Variants in CAMKMT observed in about 807,000 individuals in gnomAD.
CAMKMT encodes the protein calmodulin-lysine N-methyltransferase.
A neutral mutation model predicts 48.0 loss-of-function variants in CAMKMT; 53 were observed. That is an observed-to-expected ratio of 1.10 (90% CI 0.89 to 1.39). The LOEUF (loss-of-function observed/expected upper bound fraction) is 1.39, where lower values mean the gene tolerates loss of function less well. CAMKMT is among the 40% of genes most tolerant of loss of function. The probability of loss-of-function intolerance (pLI) is 0.00; values close to 1 mark genes in which losing one functional copy is unlikely to be tolerated. For synonymous variants in CAMKMT, 165 were observed against 152.3 expected, an observed-to-expected ratio of 1.08 and a Z score of -0.61; for missense variants, 428 against 402.7, an observed-to-expected ratio of 1.06 and a Z score of -0.54.
chr2:44,738,153 C>T (rs1359865903), intron 7 of CAMKMT, among the ~76,000 whole-genome samples: 1 of 152,094 alleles, frequency 6.6e-6, no homozygotes, highest in Admixed American at 6.6e-5. Flanking sequence ...CATGCCTGGC[C>T]CCATCTTCTT....
At chr2:44,523,684 A>G (rs1050139447) in intron 3 of CAMKMT, among the ~76,000 whole-genome samples, 1 of 151,594 alleles carries the variant, frequency 6.6e-6, no homozygotes, top group Non-Finnish European at 1.5e-5. Flanking sequence ...ACCATAGACT[A>G]TAGAGTACCT....
intron 3 of CAMKMT, among the ~76,000 whole-genome samples, chr2:44,489,057 G>C (rs1245035634): frequency 6.6e-6 from 1 of 151,872 alleles, no homozygotes; most frequent in Non-Finnish European, 1.5e-5. Context: ...TTTAGAAATG[G>C]AGTCTAGCCA....
chr2:44,479,065 G>C (rs994539221), intron 3 of CAMKMT, among the ~76,000 whole-genome samples: 1 of 152,126 alleles, frequency 6.6e-6, no homozygotes, highest in Non-Finnish European at 1.5e-5. Context: ...TTAAATGTTT[G>C]AGTTTACTAA....
intron 3 of CAMKMT, among the ~76,000 whole-genome samples, chr2:44,512,031 G>T (rs114138572): frequency 6.6e-6 from 1 of 152,284 alleles, no homozygotes; most frequent in African/African-American, 2.4e-5. Context: ...CTGCTTGTGG[G>T]TGGAGGAAGG....
At chr2:44,488,970 A>G (rs1669350229) in intron 3 of CAMKMT, among the ~76,000 whole-genome samples, 2 of 151,462 alleles carry the variant, frequency 1.3e-5, no homozygotes, top group African/African-American at 4.9e-5. Flanking sequence ...GGCTCAAGGG[A>G]TCCTCCTGTC....
intron 3 of CAMKMT, among the ~76,000 whole-genome samples, chr2:44,572,528 T>C (rs1668970142): frequency 6.6e-6 from 1 of 152,252 alleles, no homozygotes; most frequent in African/African-American, 2.4e-5. Context: ...TCAGTCCATT[T>C]ATTCATTGAT....
At chr2:44,540,892 G>A (rs960554353) in intron 3 of CAMKMT, among the ~76,000 whole-genome samples, 7 of 152,228 alleles carry the variant, frequency 4.6e-5, no homozygotes, top group East Asian at 1.9e-4. Context: ...TTATTCTTAT[G>A]CATGATGTAA....
At chr2:44,435,985 G>T (rs747779951) in intron 3 of CAMKMT, among the ~76,000 whole-genome samples, 1 of 152,182 alleles carries the variant, frequency 6.6e-6, no homozygotes, top group Non-Finnish European at 1.5e-5. Flanking sequence ...TTTTACAAAT[G>T]ATTAAACAAA....
At chr2:44,416,546 C>G (rs1395490961) in intron 3 of CAMKMT, among the ~76,000 whole-genome samples, 1 of 149,550 alleles carries the variant, frequency 6.7e-6, no homozygotes, top group Non-Finnish European at 1.5e-5. Context: ...TTTTTTTTCC[C>G]TAATATATTT....
intron 3 of CAMKMT, among the ~76,000 whole-genome samples, chr2:44,638,746 G>A (rs1673285782): frequency 6.6e-6 from 1 of 152,198 alleles, no homozygotes; most frequent in South Asian, 2.1e-4. Flanking sequence ...AAGAAAAATA[G>A]ACAAGTAGGA....
intron 3 of CAMKMT, among the ~76,000 whole-genome samples, chr2:44,565,718 A>G (rs756877846): frequency 1.7e-4 from 26 of 152,020 alleles, no homozygotes; most frequent in Non-Finnish European, 3.2e-4. Context: ...AAAAAAAAAA[A>G]CAAAACTCCC....
chr2:44,544,559 C>A (rs753931465), intron 3 of CAMKMT, among the ~76,000 whole-genome samples: 1 of 152,210 alleles, frequency 6.6e-6, no homozygotes, highest in Admixed American at 6.5e-5. Flanking sequence ...TTGTTTGCTG[C>A]TGTAGCTAGG....
intron 3 of CAMKMT, among the ~76,000 whole-genome samples, chr2:44,486,969 G>T (rs1669246612): frequency 6.6e-6 from 1 of 152,124 alleles, no homozygotes; most frequent in Admixed American, 6.6e-5. Flanking sequence ...TTAACTATGT[G>T]TTTCACTATT....
chr2:44,625,630 T>A (rs143095343), intron 3 of CAMKMT, among the ~76,000 whole-genome samples: 2 of 152,176 alleles, frequency 1.3e-5, no homozygotes, highest in Admixed American at 6.5e-5. Context: ...AATTTGGATA[T>A]TTTAAAGCTT....
At chr2:44,428,664 G>T (rs1339652870) in intron 3 of CAMKMT, among the ~76,000 whole-genome samples, 1 of 152,162 alleles carries the variant, frequency 6.6e-6, no homozygotes, top group African/African-American at 2.4e-5. Flanking sequence ...TTGTATGTTT[G>T]TGTATATGTA....
chr2:44,500,446 G>T (rs1365611146), intron 3 of CAMKMT, among the ~76,000 whole-genome samples: 2 of 151,902 alleles, frequency 1.3e-5, no homozygotes, highest in African/African-American at 4.8e-5. Context: ...TTATTTAAAA[G>T]ATTTTTGTTG....
chr2:44,644,239 G>T (rs1454514610), intron 3 of CAMKMT, among the ~76,000 whole-genome samples: 8 of 152,144 alleles, frequency 5.3e-5, no homozygotes, highest in Non-Finnish European at 1.2e-4. Context: ...TTAATTTTAG[G>T]CCCAAAAAAC....
intron 3 of CAMKMT, among the ~76,000 whole-genome samples, chr2:44,455,222 T>C (rs1667497343): frequency 6.6e-6 from 1 of 151,178 alleles, no homozygotes; most frequent in Non-Finnish European, 1.5e-5. Flanking sequence ...GGACTGGGGA[T>C]TCCAGGACGA....
chr2:44,474,171 C>T (rs756463198), intron 3 of CAMKMT, among the ~76,000 whole-genome samples: 6 of 152,076 alleles, frequency 3.9e-5, no homozygotes, highest in Non-Finnish European at 5.9e-5. Context: ...TTGGGCCGGG[C>T]GTCGTGGCTC....
Sources: allele counts gnomAD v4.1 joint callset (sites outside exome capture counted in the v4.1 genomes callset), GRCh38; gene constraint gnomAD v4.1.1; transcripts MANE v1.5; gene names NCBI Gene and HGNC (gene_info 2026-07-23, HGNC 2026-07-21).